CLDN16: variants seen among roughly 807,000 people sequenced by gnomAD.
CLDN16 encodes claudin-16.
A neutral mutation model predicts 24.6 loss-of-function variants in CLDN16; 13 were observed. That is an observed-to-expected ratio of 0.53 (90% CI 0.34 to 0.84). The LOEUF is 0.84. Ranked by LOEUF, CLDN16 falls within the 40% of genes least tolerant of loss-of-function variation. The probability of loss-of-function intolerance (pLI) is 0.01; values close to 1 mark genes in which losing one functional copy is unlikely to be tolerated. For missense variants in CLDN16, 298 were observed against 292.7 expected, an observed-to-expected ratio of 1.02 and a Z score of -0.13; for synonymous variants, 116 against 106.7, an observed-to-expected ratio of 1.09 and a Z score of -0.54.
At chr3:190,379,975 G>A (rs372928101) in intron 3 of CLDN16, among the ~76,000 whole-genome samples, 9 of 149,104 alleles carry the variant, frequency 6.0e-5, no homozygotes, top group South Asian at 2.2e-4. Flanking sequence ...TATCAACTCT[G>A]TCTATCTATC....
intron 1 of CLDN16, among the ~76,000 whole-genome samples, chr3:190,397,886 A>G (rs893341175): frequency 3.3e-5 from 5 of 152,236 alleles, no homozygotes; most frequent in African/African-American, 9.6e-5. Flanking sequence ...TATTTTGGCA[A>G]GATGGAAATA....
At chr3:190,338,371 C>T (rs3846100) in intron 1 of CLDN16, among the ~76,000 whole-genome samples, 1 of 152,012 alleles carries the variant, frequency 6.6e-6, no homozygotes, top group Non-Finnish European at 1.5e-5. Flanking sequence ...TGTGTAGTGG[C>T]GTATTTTAGC....
At chr3:190,297,313 A>T in the CLDN16 span, among the ~76,000 whole-genome samples, 1 of 151,568 alleles carries the variant, frequency 6.6e-6, no homozygotes, top group African/African-American at 2.4e-5. Flanking sequence ...GAGTCCATAT[A>T]TTATTCTGAC....
chr3:190,319,450 G>C (rs1716859118), upstream of CLDN16, among the ~76,000 whole-genome samples: 1 of 152,172 alleles, frequency 6.6e-6, no homozygotes, highest in Non-Finnish European at 1.5e-5. Context: ...CTACCTAAAA[G>C]AAGAAGCCTT....
chr3:190,293,042 A>G, the CLDN16 span, among the ~76,000 whole-genome samples: 6 of 152,164 alleles, frequency 3.9e-5, no homozygotes, highest in Admixed American at 3.3e-4. Flanking sequence ...GTATTAGTCT[A>G]TTTTAACACT....
Position 190,394,482 on chromosome 3 carries a change from TA to T in CLDN16, c.114+6042del, listed in dbSNP as rs373241185. 6.6e-4 allele frequency among the ~76,000 whole-genome samples: 100 copies of T among 152,306 alleles called. No homozygotes were observed. The East Asian group carries it at 0.016, about 24-fold the overall frequency. On this transcript the variant is annotated intron_variant, in intron 1 of 4. Transcript: ENST00000264734. ...ATTAATATTACAATTCTTTTAAATA[TA>T]AAGTAAATATTAAAATTATTATATC... is the stretch of plus-strand genomic sequence containing the variant.
chr3:190,405,960 A>G (rs1025097673), intron 3 of CLDN16, among the ~76,000 whole-genome samples: 1 of 152,240 alleles, frequency 6.6e-6, no homozygotes, highest in Non-Finnish European at 1.5e-5. Flanking sequence ...GTCTGCTAAC[A>G]AAGCGAATAT....
chr3:190,390,524 C>T (rs1305302880), intron 1 of CLDN16, among the ~76,000 whole-genome samples: 9 of 140,844 alleles, frequency 6.4e-5, no homozygotes, highest in African/African-American at 2.1e-4. Flanking sequence ...CAGAGCGAGA[C>T]TCCATCTTAA....
At chr3:190,356,065 A>G (rs1288074782) in intron 1 of CLDN16, among the ~76,000 whole-genome samples, 3 of 151,554 alleles carry the variant, frequency 2.0e-5, no homozygotes, top group African/African-American at 7.3e-5. Flanking sequence ...CTTGAAATTC[A>G]GGGTGAAGAG....
chr3:190,326,058 C>A (rs1002494414), intron 1 of CLDN16, among the ~76,000 whole-genome samples: 3 of 152,062 alleles, frequency 2.0e-5, no homozygotes, highest in Non-Finnish European at 2.9e-5. Context: ...CTTTTGAATC[C>A]CATTACTGCC....
the CLDN16 span, among the ~76,000 whole-genome samples, chr3:190,296,302 A>G: frequency 6.6e-6 from 1 of 152,200 alleles, no homozygotes; most frequent in African/African-American, 2.4e-5. Flanking sequence ...TGTTACAAAG[A>G]AAAATAAAGC....
At chr3:190,357,381 A>C (rs1290309082) in intron 1 of CLDN16, among the ~76,000 whole-genome samples, 1 of 151,886 alleles carries the variant, frequency 6.6e-6, no homozygotes, top group Non-Finnish European at 1.5e-5. Context: ...CTCTCCTTAC[A>C]GCCAATACTT....
At chr3:190,394,085 T>A (rs1277948236) in intron 1 of CLDN16, among the ~76,000 whole-genome samples, 2 of 152,164 alleles carry the variant, frequency 1.3e-5, no homozygotes, top group African/African-American at 4.8e-5. Context: ...ATTTCCTTTT[T>A]GTCTGACCAG....
rs111575477 is a variant in CLDN16 at position 190,366,293 on chromosome 3, A to G, written n.122-4600A>G. Among the ~76,000 whole-genome samples the G allele has an allele frequency of 3.2e-3, 486 of 152,054 alleles. 4 individuals carry two copies. The highest frequency in any genetic ancestry group is 0.011 in the African/African-American group (461 of 41,538). On this transcript the variant is annotated intron_variant and non_coding_transcript_variant, in intron 1 of 4. Coordinates refer to the CLDN16 transcript ENST00000468220. ...CATCCATGTATTACTTTCCAACATT[A>G]TGCCAGCCAAGTTCATCACCAGTGA...
intron 1 of CLDN16, among the ~76,000 whole-genome samples, chr3:190,389,484 A>T (rs1718596057): frequency 6.6e-6 from 1 of 152,242 alleles, no homozygotes; most frequent in Admixed American, 6.5e-5. Flanking sequence ...AATGGAAAGT[A>T]ATAATGATTC....
At chr3:190,378,532 T>A (rs1473921660) in intron 3 of CLDN16, among the ~76,000 whole-genome samples, 2 of 151,988 alleles carry the variant, frequency 1.3e-5, no homozygotes, top group African/African-American at 4.8e-5. Context: ...GCAGAGAGCT[T>A]TCATGAAACC....
At chr3:190,317,811 C>T (rs374710090), upstream of CLDN16, among the ~76,000 whole-genome samples, 15 of 152,296 alleles carry the variant, frequency 9.8e-5, no homozygotes, top group East Asian at 1.2e-3. Context: ...TATTCTTGAT[C>T]GGTATTGGTT....
At chr3:190,387,975 T>A, upstream of CLDN16, 1 of 738,396 alleles carries the variant, frequency 1.4e-6, no homozygotes, top group Non-Finnish European at 2.3e-6. Flanking sequence ...CCTTCCCCCG[T>A]CTTGGCACTG....
chr3:190,381,477 G>A (rs901993024), intron 3 of CLDN16, among the ~76,000 whole-genome samples: 1 of 152,090 alleles, frequency 6.6e-6, no homozygotes, highest in African/African-American at 2.4e-5. Flanking sequence ...TTCTTATGCT[G>A]ACCTAAACAT....
Sources: allele counts gnomAD v4.1 joint callset (sites outside exome capture counted in the v4.1 genomes callset), GRCh38; gene constraint gnomAD v4.1.1; transcripts MANE v1.5; gene names NCBI Gene and HGNC (gene_info 2026-07-23, HGNC 2026-07-21).